Variants in IQCN observed in about 807,000 individuals in gnomAD.
IQCN encodes the protein IQ domain-containing protein N.
A neutral mutation model predicts 64.4 loss-of-function variants in IQCN; 46 were observed. That is an observed-to-expected ratio of 0.71 (90% CI 0.56 to 0.91). The LOEUF is 0.91. Ranked by LOEUF, IQCN falls within the 40% of genes least tolerant of loss-of-function variation. The pLI is 0.00. For missense variants in IQCN, 1,753 were observed against 1,857.4 expected, an observed-to-expected ratio of 0.94 and a Z score of 1.03; for synonymous variants, 733 against 775.6, an observed-to-expected ratio of 0.95 and a Z score of 0.91.
Position 18,265,124 on chromosome 19 carries a change from G to C in IQCN, c.2416C>G (p.Pro806Ala). ...CCCGGCACGTGTCCGTGGGGCTGTG[G>C]CTGGGTCTGTCTGTCCTCTGGCTTG... ...WAKPEDRQTQPQPHGHVPGKT... is the reference protein window; with the variant it reads ...WAKPEDRQTQAQPHGHVPGKT... The change falls in exon 3 of 4, where the codon CCA becomes GCA. Residue 806 changes from proline to alanine, a missense_variant. Pro to Ala is a conservative substitution (Grantham distance 27, BLOSUM62 -1). Coordinates refer to ENST00000392413, the MANE Select transcript of IQCN (RefSeq NM_001145304.2). This position sits in a 1 kb window ranked among gnomAD's most constrained non-coding sequence, Gnocchi z 4.7. 1.9e-6 allele frequency: 3 copies of C among 1,605,308 alleles called. No individual in the cohort carries two copies. The highest frequency in any genetic ancestry group is 1.7e-6 in the Non-Finnish European group (2 of 1,179,790).
intron 2 of IQCN, among the ~76,000 whole-genome samples, chr19:18,268,185 T>C (rs1420274854): frequency 1.4e-5 from 2 of 140,200 alleles, no homozygotes; most frequent in African/African-American, 5.3e-5. Flanking sequence ...TGTGTGTGTG[T>C]GTGTGTGTGT....
In IQCN at chr19:18,265,140, C is replaced by T; in HGVS notation, c.2400G>A (p.Glu800=). ...GLSAPPWAKP[E]DRQTQPQPHG... is the part of the protein sequence containing the mutation. Reference sequence around the variant, plus strand: ...GGGGCTGTGGCTGGGTCTGTCTGTCCTCTGGCTTGGCCCAGGGTGGGGCGC... The same window carrying T: ...GGGGCTGTGGCTGGGTCTGTCTGTCTTCTGGCTTGGCCCAGGGTGGGGCGC... The change falls in exon 3 of 4, where the codon GAG becomes GAA. Residue 800 remains glutamate, a synonymous_variant. Coordinates refer to ENST00000392413, the MANE Select transcript of IQCN (RefSeq NM_001145304.2). The surrounding 1 kb of genome is among the most constrained non-coding windows in gnomAD (Gnocchi z 4.7). 1 of 1,606,676 alleles carries T rather than the reference C, an allele frequency of 6.2e-7. No homozygotes were observed. The highest frequency in any genetic ancestry group is 8.5e-7 in the Non-Finnish European group (1 of 1,179,840).
Position 18,264,721 on chromosome 19 carries a change from G to A in IQCN, c.2819C>T (p.Ala940Val), listed in dbSNP as rs113185969. The A allele has an allele frequency of 0.017, 26,050 of 1,551,010 alleles. 268 individuals carry two copies. Among genetic ancestry groups the A allele is most frequent in the African/African-American group, 0.03 (2,209 of 73,170 alleles). ...QSMLSMALVK[A>V]LSWSELRLTL... ...CAGGCGCAGCTCACTCCAGGACAGCGCCTTCACCAGCGCCATGCTCAGCAT... is the reference window on the plus strand; with the variant it reads ...CAGGCGCAGCTCACTCCAGGACAGCACCTTCACCAGCGCCATGCTCAGCAT... Residue 940 changes from alanine to valine, a missense_variant, in exon 3 of 4, where the codon GCG becomes GTG. Physicochemically the swap from Ala to Val is moderately conservative, Grantham distance 64 (BLOSUM62 0). Transcript: ENST00000392413. The surrounding 1 kb of genome is among the most constrained non-coding windows in gnomAD (Gnocchi z 4.3).
chr19:18,264,658 GC>G lies in IQCN; in HGVS notation c.2881del (p.Ala961ArgfsTer19). 1 of 1,551,368 alleles carries G rather than the reference GC, an allele frequency of 6.4e-7. No individual in the cohort carries two copies. Among genetic ancestry groups the G allele is most frequent in the South Asian group, 1.2e-5 (1 of 84,070 alleles). On this transcript the variant is annotated frameshift_variant, in exon 3 of 4. Transcript: ENST00000392413. LOFTEE classifies it high-confidence loss of function. The surrounding 1 kb of genome is among the most constrained non-coding windows in gnomAD (Gnocchi z 4.3). The part of the protein sequence containing the change: ...SRALSRGELR[A>X]ELTKVMQGKL... ...ACCCTGCATGACCTTGGTGAGTTCC[GC>G]CCGCAGCTCGCCCCGGGACAGGGCT... is the stretch of plus-strand genomic sequence containing the variant.
At position 18,264,384 on chromosome 19, in the gene IQCN, G is replaced by C. The variant is rs913611067; in HGVS notation, c.3156C>G (p.Pro1052=). Residue 1052 remains proline (P), a synonymous_variant, in exon 3 of 4, where the codon CCC becomes CCG. Coordinates refer to ENST00000392413, the MANE Select transcript of IQCN (RefSeq NM_001145304.2). The surrounding 1 kb of genome is among the most constrained non-coding windows in gnomAD (Gnocchi z 4.3). ...PSAAWGPSLG[P]VRPQTSKGPA... ...TGACCTTGCTGGTCTGTGGTCTCAC[G>C]GGGCCCAGGGAGGGCCCCCATGCGG... 1 of 1,504,392 alleles carries C rather than the reference G, an allele frequency of 6.6e-7. No individual in the cohort carries two copies. Among genetic ancestry groups the C allele is most frequent in the Admixed American group, 2.2e-5 (1 of 45,944 alleles). 93.2% of individuals were successfully genotyped at this position (1,504,392 alleles called of 1,614,324 possible).
In IQCN at chr19:18,257,744, G is replaced by T. The variant is rs1199336208; in HGVS notation, c.3540C>A (p.Ala1180=). Reference sequence around the variant, plus strand: ...CGGGGTGGAGCATCTGCCAGTGCCGGGCTTGGTCCCGGCGGGTGCTGTAGC... The same window carrying T: ...CGGGGTGGAGCATCTGCCAGTGCCGTGCTTGGTCCCGGCGGGTGCTGTAGC... ...WRGYSTRRDQ[A]RHWQMLHPVT... is the part of the protein sequence containing the mutation. Residue 1180 remains alanine, a synonymous_variant, in exon 4 of 4, where the codon GCC becomes GCA. Coordinates refer to ENST00000392413, the MANE Select transcript of IQCN (RefSeq NM_001145304.2). 3.1e-6 allele frequency: 5 copies of T among 1,611,078 alleles called. No individual in the cohort carries two copies. Among genetic ancestry groups the T allele is most frequent in the Non-Finnish European group, 4.2e-6 (5 of 1,179,010 alleles).
chr19:18,267,792 C>CTTT (rs201236242), intron 2 of IQCN: 23 of 213,966 alleles, frequency 1.1e-4, no homozygotes, highest in East Asian at 1.7e-4. Flanking sequence ...TTTTTCTTTT[C>CTTT]TTTTTTTTTT....
chr19:18,263,296 TCTC>T (rs1251290033), intron 3 of IQCN, among the ~76,000 whole-genome samples: 3 of 152,068 alleles, frequency 2.0e-5, no homozygotes, highest in African/African-American at 7.3e-5. Context: ...TCGGAATTGT[TCTC>T]CTGACTGTAG....
At chr19:18,258,822 G>A (rs541551918) in intron 3 of IQCN, 1 of 200,282 alleles carries the variant, frequency 5.0e-6, no homozygotes, top group Non-Finnish European at 1.0e-5. Context: ...GGGGGACTTA[G>A]TGGCTAAACC....
intron 2 of IQCN, among the ~76,000 whole-genome samples, chr19:18,268,362 T>TG (rs903774496): frequency 6.0e-5 from 9 of 150,942 alleles, no homozygotes; most frequent in African/African-American, 2.0e-4. Context: ...AGGTATTGGG[T>TG]GGGGGGGGCA....
chr19:18,261,991 AGCCTG>A, intron 3 of IQCN: 1 of 150,226 alleles, frequency 6.7e-6, no homozygotes, highest in South Asian at 2.1e-4. Context: ...TGAGATGGGT[AGCCTG>A]GGCTTGGGGA....
rs774908883 is a variant in IQCN at position 18,264,842 on chromosome 19, T to C, written c.2698A>G (p.Lys900Glu). 1.3e-6 allele frequency: 2 copies of C among 1,587,704 alleles called. No homozygotes were observed. The highest frequency in any genetic ancestry group is 2.7e-5 in the African/African-American group (2 of 74,384). The change falls in exon 3 of 4, where the codon AAA becomes GAA. Residue 900 changes from lysine (K) to glutamate (E), a missense_variant. By Grantham distance (56) the Lys-to-Glu change is moderately conservative. Coordinates refer to ENST00000392413, the MANE Select transcript of IQCN (RefSeq NM_001145304.2). This position sits in a 1 kb window ranked among gnomAD's most constrained non-coding sequence, Gnocchi z 4.3. The part of the protein sequence containing the change: ...SQEDLRTLLA[K>E]ALSQGEVWAA... ...CAGACTTCTCCCTGGGAGAGGGCTTTGGCCAACAGAGTGCGGAGATCCTCC... is the reference window on the plus strand; with the variant it reads ...CAGACTTCTCCCTGGGAGAGGGCTTCGGCCAACAGAGTGCGGAGATCCTCC...
Position 18,264,440 on chromosome 19 carries a change from C to G in IQCN, c.3100G>C (p.Val1034Leu), listed in dbSNP as rs375377283. The G allele has an allele frequency of 4.5e-6, 7 of 1,549,948 alleles. No individual in the cohort carries two copies. Among genetic ancestry groups the G allele is most frequent in the East Asian group, 2.4e-5 (1 of 40,892 alleles). ...GGACTCCTCCTGCAGGCCACCTTCA[C>G]CAGGGCCGGCGTCTTAGTCACCCCG... is the stretch of plus-strand genomic sequence containing the variant. ...GSGVTKTPAL[V>L]KVACRRSPSA... Residue 1034 changes from valine to leucine, a missense_variant, in exon 3 of 4, where the codon GTG (valine) becomes CTG (leucine). Val to Leu is a conservative substitution (Grantham distance 32). Coordinates refer to ENST00000392413, the MANE Select transcript of IQCN (RefSeq NM_001145304.2). This position sits in a 1 kb window ranked among gnomAD's most constrained non-coding sequence, Gnocchi z 4.3.
chr19:18,271,630 A>G (rs1039609372), intron 1 of IQCN, among the ~76,000 whole-genome samples: 7 of 152,086 alleles, frequency 4.6e-5, no homozygotes, highest in Non-Finnish European at 8.8e-5. Context: ...CGGCCAAGCC[A>G]GAGCTGGTCT....
chr19:18,261,162 T>G (rs1459406929), intron 3 of IQCN: 2 of 152,682 alleles, frequency 1.3e-5, no homozygotes, highest in East Asian at 3.9e-4. Flanking sequence ...CCCACTGGCT[T>G]GAGATGGCTG....
At position 18,264,427 on chromosome 19, in the gene IQCN, C is replaced by T; in HGVS notation, c.3113G>A (p.Cys1038Tyr). Reference sequence around the variant, plus strand: ...CCATGCGGCCGATGGACTCCTCCTGCAGGCCACCTTCACCAGGGCCGGCGT... The same window carrying T: ...CCATGCGGCCGATGGACTCCTCCTGTAGGCCACCTTCACCAGGGCCGGCGT... ...TKTPALVKVA[C>Y]RRSPSAAWGP... Residue 1038 changes from cysteine to tyrosine, a missense_variant, in exon 3 of 4, where the codon TGC becomes TAC. Physicochemically the swap from Cys to Tyr is radical, Grantham distance 194 (BLOSUM62 -2). Coordinates refer to ENST00000392413, the MANE Select transcript of IQCN (RefSeq NM_001145304.2). This position sits in a 1 kb window ranked among gnomAD's most constrained non-coding sequence, Gnocchi z 4.3. 1.3e-6 allele frequency: 2 copies of T among 1,547,340 alleles called. No homozygotes were observed.
In IQCN at chr19:18,266,843, G is replaced by C. The variant is rs149351876; in HGVS notation, c.697C>G (p.Arg233Gly). 1.2e-6 allele frequency: 2 copies of C among 1,613,952 alleles called. 1 individual carries two copies. The highest frequency in any genetic ancestry group is 2.2e-5 in the South Asian group (2 of 91,068). Residue 233 changes from arginine to glycine, a missense_variant, in exon 3 of 4, where the codon CGG becomes GGG. Arg to Gly is a moderately radical substitution (Grantham distance 125). Coordinates refer to ENST00000392413, the MANE Select transcript of IQCN (RefSeq NM_001145304.2). This position sits in a 1 kb window ranked among gnomAD's most constrained non-coding sequence, Gnocchi z 4.3. ...CVQGPHAARV[R>G]GLAFLPHQTV... is the part of the protein sequence containing the mutation. ...TGGTGTGGCAGGAAGGCCAGCCCCC[G>C]GACTCTGGCAGCATGAGGACCCTGC... is the stretch of plus-strand genomic sequence containing the variant.
Position 18,267,137 on chromosome 19 carries a change from C to A in IQCN, c.403G>T (p.Glu135Ter), listed in dbSNP as rs754533041. Residue 135 changes from glutamate to a stop codon, truncating the protein, a stop_gained, in exon 3 of 4, where the codon GAG becomes TAG. Transcript: ENST00000392413. LOFTEE classifies it high-confidence loss of function. ...CTCTTGTTGAAGCGCCGCCAGGCCT[C>A]CTGGATGGCCTTGGCCGCCATCATC... ...SQMMAAKAIQEAWRRFNKRHI... is the reference protein window; with the variant it reads ...SQMMAAKAIQ 6.2e-7 allele frequency: 1 copy of A among 1,614,128 alleles called. No individual in the cohort carries two copies. Among genetic ancestry groups the A allele is most frequent in the Non-Finnish European group, 8.5e-7 (1 of 1,180,066 alleles).
rs1167417633 is a variant in IQCN at position 18,266,331 on chromosome 19, G to A, written c.1209C>T (p.Ile403=). 6.2e-7 allele frequency: 1 copy of A among 1,613,270 alleles called. No homozygotes were observed. The highest frequency in any genetic ancestry group is 1.1e-5 in the South Asian group (1 of 90,962). Residue 403 remains isoleucine, a synonymous_variant, in exon 3 of 4, where the codon ATC becomes ATT. Coordinates refer to ENST00000392413, the MANE Select transcript of IQCN (RefSeq NM_001145304.2). The surrounding 1 kb of genome is among the most constrained non-coding windows in gnomAD (Gnocchi z 4.3). Reference sequence around the variant, plus strand: ...TTCTGGAGGCTGTGGGGTGTACCTGGATCTTGGTCATTGTGGGCATGGGGC... The same window carrying A: ...TTCTGGAGGCTGTGGGGTGTACCTGAATCTTGGTCATTGTGGGCATGGGGC... ...HTCPMPTMTK[I]QVHPTASRTG...
Sources: gnomAD v4.1 joint callset for allele counts (sites outside exome capture counted in the v4.1 genomes callset) on GRCh38, gnomAD v4.1.1 for gene constraint, Gnocchi (gnomAD v3.1) non-coding constraint, MANE v1.5 for transcripts, NCBI Gene and HGNC (gene_info 2026-07-23, HGNC 2026-07-21) for gene names.